Variants in FGF14 observed in about 807,000 individuals in gnomAD.
The protein encoded by FGF14 is fibroblast growth factor 14, also known as fibroblast growth factor homologous factor 4.
FGF14 carries 5 observed loss-of-function variants against 25.5 expected under a neutral mutation model. The observed-to-expected ratio is 0.20, with a 90% confidence interval of 0.10 to 0.41. FGF14 has a LOEUF of 0.41. Among genes scored for constraint, FGF14 ranks in the 10% least tolerant of loss-of-function variants. FGF14 has a pLI of 1.00. For synonymous variants in FGF14, 138 were observed against 118.3 expected, an observed-to-expected ratio of 1.17 and a Z score of -1.08; for missense variants, 222 against 320.1, an observed-to-expected ratio of 0.69 and a Z score of 2.34.
At chr13:101,866,296 T>C (rs568423106) in intron 3 of FGF14, among the ~76,000 whole-genome samples, 95 of 152,210 alleles carry the variant, frequency 6.2e-4, no homozygotes, top group African/African-American at 2.2e-3. Flanking sequence ...TTAGAAAAGG[T>C]GTCAGACCAT....
chr13:102,161,608 AAGAAGAAGAAGAAGAAGAAG>A (rs2047684734), intron 1 of FGF14, among the ~76,000 whole-genome samples: 1 of 6,526 alleles, frequency 1.5e-4, no homozygotes, highest in Non-Finnish European at 2.2e-4. Flanking sequence ...GAAGAAGAAG[AAGAAGAAGAAGAAGAAGAAG>A]AAGAAGAAGA....
intron 1 of FGF14, among the ~76,000 whole-genome samples, chr13:102,394,106 G>A (rs2058503706): frequency 6.6e-6 from 1 of 152,192 alleles, no homozygotes; most frequent in East Asian, 1.9e-4. Context: ...CCCGCCCAGG[G>A]TCTCCCAGTA....
At position 101,717,641 on chromosome 13, in the gene FGF14, A is replaced by G. The variant is rs2034775090; in HGVS notation, c.*5190T>C. 6.6e-6 allele frequency: 1 copy of G among 151,634 alleles called. No individual in the cohort carries two copies. The highest frequency in any genetic ancestry group is 2.4e-5 in the African/African-American group (1 of 41,426). The allele number at this position is 151,634 out of a possible 1,614,324, so 9.4% of individuals were successfully genotyped here. On this transcript the variant is annotated 3_prime_UTR_variant, in exon 5 of 5. Transcript: ENST00000376143. ...ATCAGAAAGTTAAACTTTACGGACC[A>G]CGTACGTCCCTGTCTCATATTCTTC... is the stretch of plus-strand genomic sequence containing the variant.
intron 1 of FGF14, among the ~76,000 whole-genome samples, chr13:101,958,064 C>T (rs73569513): frequency 0.014 from 2,156 of 152,258 alleles, 54 homozygotes; most frequent in African/African-American, 0.05. Flanking sequence ...CTATGGCAAA[C>T]GTGTTAACAT....
chr13:102,059,680 G>A (rs1309871705), intron 1 of FGF14, among the ~76,000 whole-genome samples: 6 of 151,996 alleles, frequency 3.9e-5, no homozygotes, highest in African/African-American at 7.2e-5. Flanking sequence ...GTGAAACCAC[G>A]TCTCTACTAA....
At chr13:102,108,221 A>G (rs931457208) in intron 1 of FGF14, among the ~76,000 whole-genome samples, 2 of 152,180 alleles carry the variant, frequency 1.3e-5, no homozygotes, top group African/African-American at 4.8e-5. Flanking sequence ...TTTGGAGAAA[A>G]TCAGTACAAT....
At chr13:101,788,437 C>A (rs960941946) in intron 3 of FGF14, among the ~76,000 whole-genome samples, 1 of 152,098 alleles carries the variant, frequency 6.6e-6, no homozygotes, top group Admixed American at 6.6e-5. Context: ...GAAACTTATA[C>A]ATGTGTGTAA....
At chr13:101,827,181 A>G (rs939888592) in intron 3 of FGF14, among the ~76,000 whole-genome samples, 1 of 152,032 alleles carries the variant, frequency 6.6e-6, no homozygotes, top group South Asian at 2.1e-4. Context: ...TTTAGACAGT[A>G]GATGTCATAA....
chr13:101,906,615 T>C (rs1486676378), intron 1 of FGF14, among the ~76,000 whole-genome samples: 4 of 152,158 alleles, frequency 2.6e-5, no homozygotes, highest in African/African-American at 9.7e-5. Context: ...TGCATTCATG[T>C]CTCGTTGTTG....
chr13:102,338,431 G>A (rs2056850908), intron 1 of FGF14, among the ~76,000 whole-genome samples: 1 of 152,144 alleles, frequency 6.6e-6, no homozygotes, highest in African/African-American at 2.4e-5. Flanking sequence ...CATACTGACT[G>A]ACATTTGGGG....
At chr13:101,766,714 T>C (rs12866795) in intron 3 of FGF14, among the ~76,000 whole-genome samples, 1 of 151,886 alleles carries the variant, frequency 6.6e-6, no homozygotes, top group South Asian at 2.1e-4. Flanking sequence ...TTAAATAAGG[T>C]CATAGTAGTT....
intron 1 of FGF14, among the ~76,000 whole-genome samples, chr13:101,976,329 G>A (rs1185747432): frequency 6.6e-6 from 1 of 152,056 alleles, no homozygotes; most frequent in Non-Finnish European, 1.5e-5. Context: ...TTCTGTTTAA[G>A]CAACTTAATA....
At chr13:102,046,803 G>C (rs2140029595) in intron 1 of FGF14, among the ~76,000 whole-genome samples, 1 of 152,272 alleles carries the variant, frequency 6.6e-6, no homozygotes, top group South Asian at 2.1e-4. Flanking sequence ...GTAAATAAAT[G>C]CATTTGCTAT....
chr13:101,916,135 G>A (rs1017417004), intron 1 of FGF14, among the ~76,000 whole-genome samples: 1 of 152,216 alleles, frequency 6.6e-6, no homozygotes, highest in African/African-American at 2.4e-5. Flanking sequence ...CAGAGCCAGT[G>A]CCAGTCCCTA....
intron 1 of FGF14, among the ~76,000 whole-genome samples, chr13:102,044,857 T>C (rs118000832): frequency 3.2e-4 from 49 of 152,254 alleles, no homozygotes; most frequent in Non-Finnish European, 5.3e-4. Context: ...TTAATGGAAA[T>C]ATTGACATAT....
chr13:101,755,813 T>C (rs1378869788), intron 3 of FGF14, among the ~76,000 whole-genome samples: 1 of 152,226 alleles, frequency 6.6e-6, no homozygotes, highest in Non-Finnish European at 1.5e-5. Context: ...TAGCCCCATG[T>C]CAGCTTTAGG....
intron 3 of FGF14, among the ~76,000 whole-genome samples, chr13:101,754,509 G>A (rs929867837): frequency 1.7e-4 from 26 of 151,928 alleles, no homozygotes; most frequent in South Asian, 8.3e-4. Flanking sequence ...CAGGTGGATC[G>A]CCTGAGGTCA....
intron 1 of FGF14, among the ~76,000 whole-genome samples, chr13:102,367,050 T>C (rs1009568718): frequency 1.3e-5 from 2 of 152,234 alleles, no homozygotes; most frequent in Admixed American, 6.5e-5. Context: ...AGGTTTGTAC[T>C]GTTATCTATT....
intron 3 of FGF14, among the ~76,000 whole-genome samples, chr13:101,727,622 A>G (rs1208266086): frequency 3.9e-5 from 6 of 152,180 alleles, no homozygotes; most frequent in Non-Finnish European, 7.4e-5. Flanking sequence ...AAATATTCAC[A>G]GATGATTTTT....
Sources: allele counts gnomAD v4.1 joint callset (sites outside exome capture counted in the v4.1 genomes callset), GRCh38; gene constraint gnomAD v4.1.1; transcripts MANE v1.5; gene names NCBI Gene and HGNC (gene_info 2026-07-23, HGNC 2026-07-21).